The following PTPRA variants were observed in gnomAD, a reference collection of about 807,000 sequenced individuals.
PTPRA encodes protein tyrosine phosphatase receptor type A.
PTPRA carries 25 observed loss-of-function variants against 104.8 expected under a neutral mutation model. The ratio of observed to expected loss-of-function variants is 0.24; its 90% CI spans 0.17 to 0.33. PTPRA has a LOEUF of 0.33. PTPRA is among the 10% of genes least tolerant of loss of function. The probability of loss-of-function intolerance (pLI) is 1.00; values close to 1 mark genes in which losing one functional copy is unlikely to be tolerated. For missense variants in PTPRA, 765 were observed against 1,015.3 expected, an observed-to-expected ratio of 0.75 and a Z score of 3.35; for synonymous variants, 323 against 368.9, an observed-to-expected ratio of 0.88 and a Z score of 1.43.
At chr20:3,005,796 A>G (rs920135257) in intron 10 of PTPRA, among the ~76,000 whole-genome samples, 1 of 152,114 alleles carries the variant, frequency 6.6e-6, no homozygotes, top group Non-Finnish European at 1.5e-5. Context: ...TGTGGTATTC[A>G]TTGAAAGAAA....
intron 3 of PTPRA, among the ~76,000 whole-genome samples, chr20:2,959,584 T>C (rs1448036875): frequency 6.6e-6 from 1 of 151,914 alleles, no homozygotes; most frequent in Non-Finnish European, 1.5e-5. Context: ...CTTAGAGAAA[T>C]AAGAAAAAAT....
intron 20 of PTPRA, among the ~76,000 whole-genome samples, chr20:3,030,303 T>A (rs1005408348): frequency 6.6e-6 from 1 of 152,114 alleles, no homozygotes; most frequent in Non-Finnish European, 1.5e-5. Flanking sequence ...GCCTGTTGAG[T>A]GAGGCCTCTC....
chr20:2,928,470 G>T (rs1366988782), intron 2 of PTPRA, among the ~76,000 whole-genome samples: 1 of 152,040 alleles, frequency 6.6e-6, no homozygotes, highest in African/African-American at 2.4e-5. Context: ...TAGAATTCTA[G>T]GTTGCCTATT....
chr20:2,927,874 G>A (rs1042231053), intron 2 of PTPRA, among the ~76,000 whole-genome samples: 3 of 152,038 alleles, frequency 2.0e-5, no homozygotes, highest in Non-Finnish European at 4.4e-5. Flanking sequence ...GCCAGGCGTG[G>A]TGGTGGGTGC....
chr20:2,897,448 C>T (rs937743121), intron 1 of PTPRA, among the ~76,000 whole-genome samples: 9 of 138,148 alleles, frequency 6.5e-5, no homozygotes, highest in African/African-American at 2.0e-4. Context: ...AGTGCAATGG[C>T]GTGATCTCGT....
At chr20:2,983,055 T>G in intron 6 of PTPRA, among the ~76,000 whole-genome samples, 1 of 152,146 alleles carries the variant, frequency 6.6e-6, no homozygotes, top group East Asian at 1.9e-4. Flanking sequence ...CAACTTTACA[T>G]GAAAGATCTC....
chr20:2,951,807 C>T (rs1177010656), intron 3 of PTPRA, among the ~76,000 whole-genome samples: 1 of 152,204 alleles, frequency 6.6e-6, no homozygotes, highest in Non-Finnish European at 1.5e-5. Context: ...CGGCAATCAT[C>T]TTGTGATCTG....
At chr20:2,918,717 CT>C (rs2059997922) in intron 1 of PTPRA, among the ~76,000 whole-genome samples, 1 of 152,168 alleles carries the variant, frequency 6.6e-6, no homozygotes, top group Non-Finnish European at 1.5e-5. Flanking sequence ...GCTTTAAAAC[CT>C]TCCATTCAGC....
At chr20:2,988,199 A>G in intron 8 of PTPRA, 94 bp downstream of exon 8, 1 of 1,509,854 alleles carries the variant, frequency 6.6e-7, no homozygotes, top group Non-Finnish European at 9.1e-7. Context: ...TAAGACAATA[A>G]AAAGAGGAAA....
chr20:2,864,853 AC>A, the PTPRA span: 1 of 1,312,480 alleles, frequency 7.6e-7, no homozygotes, highest in South Asian at 1.2e-5. The surrounding 1 kb of genome is among the most constrained non-coding windows in gnomAD (Gnocchi z 5.2). Context: ...AGAGTGGTGC[AC>A]CTAGCAGGCA....
intron 11 of PTPRA, among the ~76,000 whole-genome samples, chr20:3,011,042 G>A (rs920417042): frequency 6.6e-6 from 1 of 152,260 alleles, no homozygotes; most frequent in African/African-American, 2.4e-5. Context: ...TGTTAAGGCT[G>A]TTAAGCAGCT....
intron 1 of PTPRA, among the ~76,000 whole-genome samples, chr20:2,922,138 T>TC (rs1334989160): frequency 6.6e-6 from 1 of 152,116 alleles, no homozygotes; most frequent in Non-Finnish European, 1.5e-5. Context: ...GGTGGCATAG[T>TC]CCAAGTTTTG....
chr20:2,865,609 A>G, the PTPRA span: 1 of 964,432 alleles, frequency 1.0e-6, no homozygotes, highest in Non-Finnish European at 1.5e-6. The surrounding 1 kb of genome is among the most constrained non-coding windows in gnomAD (Gnocchi z 5.2). Context: ...AGCTGCCCGC[A>G]TAGTTAGCGA....
chr20:2,982,771 A>G (rs1416165074), intron 6 of PTPRA, among the ~76,000 whole-genome samples: 2 of 151,382 alleles, frequency 1.3e-5, no homozygotes, highest in African/African-American at 4.9e-5. Flanking sequence ...ATCTCGGCTC[A>G]CTACAACCTC....
At chr20:2,991,086 G>A (rs1401546131) in intron 9 of PTPRA, among the ~76,000 whole-genome samples, 2 of 152,126 alleles carry the variant, frequency 1.3e-5, no homozygotes, top group African/African-American at 4.8e-5. Flanking sequence ...AGGCACAGTG[G>A]CTCACACCTG....
At chr20:2,988,151 A>G (rs2062987594) in intron 8 of PTPRA, 46 bp downstream of exon 8, 1 of 1,535,488 alleles carries the variant, frequency 6.5e-7, no homozygotes, top group South Asian at 1.1e-5. Flanking sequence ...AAGGAAGGAA[A>G]TCAAGAAATT....
chr20:2,954,457 A>G (rs1672155119), intron 3 of PTPRA, among the ~76,000 whole-genome samples: 1 of 151,722 alleles, frequency 6.6e-6, no homozygotes. Flanking sequence ...TTCTGAGCTC[A>G]AGTCATTCTC....
chr20:2,870,317 G>A (rs1026830179), upstream of PTPRA, among the ~76,000 whole-genome samples: 2 of 152,152 alleles, frequency 1.3e-5, no homozygotes, highest in African/African-American at 2.4e-5. Flanking sequence ...GCAGTGAGCC[G>A]AGATCGTGCC....
chr20:3,028,879 T>C (rs1188151073), intron 20 of PTPRA, among the ~76,000 whole-genome samples: 5 of 152,176 alleles, frequency 3.3e-5, no homozygotes, highest in Non-Finnish European at 7.4e-5. Context: ...GTGGCAGTAA[T>C]GCTGGTGGCC....
Sources: gnomAD v4.1 joint callset for allele counts (sites outside exome capture counted in the v4.1 genomes callset) on GRCh38, gnomAD v4.1.1 for gene constraint, Gnocchi (gnomAD v3.1) non-coding constraint, MANE v1.5 for transcripts, NCBI Gene and HGNC (gene_info 2026-07-23, HGNC 2026-07-21) for gene names.